Variants in NDFIP2 observed in about 807,000 individuals in gnomAD.
NDFIP2 encodes the protein NEDD4 family-interacting protein 2.
NDFIP2 carries 19 observed loss-of-function variants against 36.0 expected under a neutral mutation model. That is an observed-to-expected ratio of 0.53 (90% CI 0.37 to 0.77). NDFIP2 has a LOEUF of 0.77. Ranked by LOEUF, NDFIP2 falls within the 30% of genes least tolerant of loss-of-function variation. The pLI is 0.00. For missense variants in NDFIP2, 446 were observed against 435.8 expected, an observed-to-expected ratio of 1.02 and a Z score of -0.21; for synonymous variants, 181 against 167.7, an observed-to-expected ratio of 1.08 and a Z score of -0.61.
At chr13:79,509,930 T>TGATTA (rs1874018598) in intron 1 of NDFIP2, among the ~76,000 whole-genome samples, 1 of 152,188 alleles carries the variant, frequency 6.6e-6, no homozygotes, top group Admixed American at 6.5e-5. Context: ...CGCTGGCAGT[T>TGATTA]GATTAGATGG....
At chr13:79,547,270 A>G (rs979746075) in intron 5 of NDFIP2, among the ~76,000 whole-genome samples, 8 of 152,098 alleles carry the variant, frequency 5.3e-5, no homozygotes, top group South Asian at 2.1e-4. Flanking sequence ...TTAAGCTTAT[A>G]TAGAAATTAC....
intron 1 of NDFIP2, among the ~76,000 whole-genome samples, chr13:79,516,018 G>T (rs1335127452): frequency 2.0e-5 from 3 of 151,780 alleles, no homozygotes; most frequent in African/African-American, 7.3e-5. Flanking sequence ...AGGACAAGAG[G>T]TTCATGATAT....
intron 4 of NDFIP2, among the ~76,000 whole-genome samples, 191 bp downstream of exon 4, chr13:79,539,966 C>G (rs1488616538): frequency 1.3e-5 from 2 of 152,184 alleles, no homozygotes; most frequent in Non-Finnish European, 2.9e-5. Flanking sequence ...ATTTATCAAA[C>G]TCTTGTTGGA....
At chr13:79,518,449 C>T (rs1016205196) in intron 1 of NDFIP2, among the ~76,000 whole-genome samples, 2 of 152,136 alleles carry the variant, frequency 1.3e-5, no homozygotes, top group Non-Finnish European at 2.9e-5. Context: ...CTAGTGTGAT[C>T]ATTTACCAAG....
intron 1 of NDFIP2, among the ~76,000 whole-genome samples, chr13:79,501,854 G>T (rs1873680476): frequency 6.6e-6 from 1 of 152,084 alleles, no homozygotes; most frequent in African/African-American, 2.4e-5. Context: ...GAAGGAAGTT[G>T]GTGTTTCAGG....
chr13:79,484,882 A>G (rs1015155032), intron 1 of NDFIP2, among the ~76,000 whole-genome samples: 5 of 152,208 alleles, frequency 3.3e-5, no homozygotes, highest in African/African-American at 7.2e-5. Flanking sequence ...TCCTTATATT[A>G]GTATCTACCT....
chr13:79,512,576 G>C (rs1483095879), intron 1 of NDFIP2, among the ~76,000 whole-genome samples: 1 of 152,232 alleles, frequency 6.6e-6, no homozygotes, highest in Non-Finnish European at 1.5e-5. Flanking sequence ...AAGGATTTAG[G>C]AATGTTGGCT....
chr13:79,482,169 C>CTTTTTTCTTTT (rs2079818270), intron 1 of NDFIP2, among the ~76,000 whole-genome samples: 1 of 75,886 alleles, frequency 1.3e-5, no homozygotes, highest in African/African-American at 4.9e-5. Flanking sequence ...TTCTTTCTTT[C>CTTTTTTCTTTT]TTTTTTTTTT....
At chr13:79,537,962 G>T (rs1333307584) in intron 3 of NDFIP2, among the ~76,000 whole-genome samples, 1 of 139,170 alleles carries the variant, frequency 7.2e-6, no homozygotes, top group Non-Finnish European at 1.7e-5. Flanking sequence ...GCAGCTTCTG[G>T]GGAGGCCCCA....
rs1220460152 is a variant in NDFIP2, at chr13:79,533,311, T to A, written c.488-12T>A. The A allele has an allele frequency of 6.3e-7, 1 of 1,587,788 alleles. No individual in the cohort carries two copies. Among genetic ancestry groups the A allele is most frequent in the Admixed American group, 1.9e-5 (1 of 52,632 alleles). On this transcript the variant is annotated splice_polypyrimidine_tract_variant and intron_variant, in intron 2 of 7. Coordinates refer to ENST00000218652, the MANE Select transcript of NDFIP2 (RefSeq NM_019080.3). ...GATTTTATTGGTTATTCTTTTTGAA[T>A]TCTTTCTTCAGATACAGAAGTTTAC...
chr13:79,525,131 A>C (rs986498234), intron 2 of NDFIP2, among the ~76,000 whole-genome samples: 1 of 152,212 alleles, frequency 6.6e-6, no homozygotes, highest in East Asian at 1.9e-4. Context: ...CTTTATTTGC[A>C]GTAAATGGCT....
chr13:79,517,639 T>G (rs971754148), intron 1 of NDFIP2, among the ~76,000 whole-genome samples: 2 of 152,200 alleles, frequency 1.3e-5, no homozygotes, highest in Non-Finnish European at 2.9e-5. Context: ...CATGGTAATA[T>G]TCACATATTA....
At chr13:79,535,808 G>A (rs1028124988) in intron 3 of NDFIP2, among the ~76,000 whole-genome samples, 67 of 152,152 alleles carry the variant, frequency 4.4e-4, no homozygotes, top group African/African-American at 1.4e-3. Flanking sequence ...TTGAGGTACT[G>A]TACATGGTAA....
chr13:79,488,445 C>T (rs1873103299), intron 1 of NDFIP2, among the ~76,000 whole-genome samples: 1 of 151,968 alleles, frequency 6.6e-6, no homozygotes, highest in Admixed American at 6.6e-5. Flanking sequence ...AAATGGTAGC[C>T]TTTGCTTAGG....
chr13:79,543,541 G>T lies in NDFIP2; in HGVS notation c.716-17G>T, dbSNP rs774843292. 11 of 1,612,916 alleles carry T rather than the reference G, an allele frequency of 6.8e-6. No individual in the cohort carries two copies. The African/African-American group carries it at 1.5e-4, about 22-fold the overall frequency. On this transcript the variant is annotated splice_polypyrimidine_tract_variant and intron_variant, in intron 4 of 7. Coordinates refer to ENST00000218652, the MANE Select transcript of NDFIP2 (RefSeq NM_019080.3). ...CCAAATTGTGGTTTATAAAAGAACG[G>T]TTTCTGTTGCTTTTAGTGGCATTTA...
intron 1 of NDFIP2, among the ~76,000 whole-genome samples, chr13:79,504,630 TA>T (rs1346014935): frequency 2.3e-5 from 2 of 87,318 alleles, no homozygotes; most frequent in Non-Finnish European, 2.2e-5. Context: ...AACAGTTCTC[TA>T]AATTTTTTTT....
At chr13:79,510,538 A>G (rs1448404849) in intron 1 of NDFIP2, among the ~76,000 whole-genome samples, 1 of 152,140 alleles carries the variant, frequency 6.6e-6, no homozygotes, top group Non-Finnish European at 1.5e-5. Context: ...CACACAGGGG[A>G]GAACCACAGA....
In NDFIP2 at chr13:79,555,103, GC is replaced by G. The variant is rs1278543045; in HGVS notation, c.*2592del. ...ATAAGATATATTTCATTTTAGACATGCCTTCTAAGTTGTTCACAGATTTTTA... is the reference window on the plus strand; with the variant it reads ...ATAAGATATATTTCATTTTAGACATGCTTCTAAGTTGTTCACAGATTTTTA... On this transcript the variant is annotated 3_prime_UTR_variant, in exon 8 of 8. Coordinates refer to ENST00000218652, the MANE Select transcript of NDFIP2 (RefSeq NM_019080.3). The G allele has an allele frequency of 6.6e-6, 1 of 151,386 alleles. No individual in the cohort carries two copies. The highest frequency in any genetic ancestry group is 1.5e-5 in the Non-Finnish European group (1 of 67,726). 9.4% of individuals were successfully genotyped at this position (151,386 alleles called of 1,614,324 possible).
chr13:79,534,358 T>TG (rs1487467697), intron 3 of NDFIP2, among the ~76,000 whole-genome samples: 3 of 148,352 alleles, frequency 2.0e-5, no homozygotes, highest in East Asian at 2.0e-4. Context: ...CTGTTTTTTT[T>TG]TTTTTTTTTT....
Sources: gnomAD v4.1 joint callset for allele counts (sites outside exome capture counted in the v4.1 genomes callset) on GRCh38, gnomAD v4.1.1 for gene constraint, MANE v1.5 for transcripts, NCBI Gene and HGNC (gene_info 2026-07-23, HGNC 2026-07-21) for gene names.